The following XKR7 variants were observed in gnomAD, a reference collection of about 807,000 sequenced individuals.
XKR7 encodes the protein XK-related protein 7.
In XKR7, 11 loss-of-function variants were observed where a neutral mutation model predicts 42.2. The observed-to-expected ratio is 0.26, with a 90% CI of 0.16 to 0.43. The LOEUF (loss-of-function observed/expected upper bound fraction) is 0.43. Ranked by LOEUF, XKR7 falls within the 20% of genes least tolerant of loss-of-function variation. The probability of loss-of-function intolerance (pLI) is 1.00; values close to 1 mark genes in which losing one functional copy is unlikely to be tolerated. For synonymous variants in XKR7, 346 were observed against 366.4 expected (o/e 0.94, Z 0.64); for missense variants, 710 against 802.2 (o/e 0.89, Z 1.39).
chr20:32,000,908 CTCCTG>C lies in XKR7; in HGVS notation c.*3454_*3458del, dbSNP rs1445594049. 1 of 152,474 alleles carries C rather than the reference CTCCTG, an allele frequency of 6.6e-6. No individual in the cohort carries two copies. The highest frequency in any genetic ancestry group is 1.5e-5 in the Non-Finnish European group (1 of 68,222). The allele number at this position is 152,474 out of a possible 1,614,324, so 9.4% of individuals were successfully genotyped here. On this transcript the variant is annotated 3_prime_UTR_variant, in exon 3 of 3. Transcript: ENST00000562532. ...CAATGAGGGAGCCTTGCTTGATCCC[CTCCTG>C]TCATCTGCCTCATTCTTGTGTCTCC... is the stretch of plus-strand genomic sequence containing the variant.
Position 31,968,215 on chromosome 20 carries a change from C to G in XKR7, c.40C>G (p.Pro14Ala), listed in dbSNP as rs2064443329. 2.6e-6 allele frequency: 3 copies of G among 1,165,692 alleles called. No individual in the cohort carries two copies. The highest frequency in any genetic ancestry group is 9.3e-5 in the Admixed American group (2 of 21,406). 72.2% of individuals were successfully genotyped at this position (1,165,692 alleles called of 1,614,324 possible). A position where few individuals can be genotyped will look rare whatever the true frequency, so the allele number is the denominator to read the frequency against. ...KSDGAAASAS[P>A]DPEGAAGGAR... Reference sequence around the variant, plus strand: ...GGATGGAGCGGCGGCCTCGGCCAGCCCGGACCCGGAGGGGGCTGCCGGTGG... The same window carrying G: ...GGATGGAGCGGCGGCCTCGGCCAGCGCGGACCCGGAGGGGGCTGCCGGTGG... Residue 14 changes from proline to alanine, a missense_variant, in exon 1 of 3, where the codon CCG becomes GCG. Coordinates refer to ENST00000562532, the MANE Select transcript of XKR7 (RefSeq NM_001011718.2). This position sits in a 1 kb window ranked among gnomAD's most constrained non-coding sequence, Gnocchi z 4.5.
At position 31,996,799 on chromosome 20, in the gene XKR7, A is replaced by G; in HGVS notation, c.1082A>G (p.Asn361Ser). 6.2e-7 allele frequency: 1 copy of G among 1,613,926 alleles called. No individual in the cohort carries two copies. Among genetic ancestry groups the G allele is most frequent in the Non-Finnish European group, 8.5e-7 (1 of 1,179,982 alleles). Residue 361 changes from asparagine (N) to serine (S), a missense_variant, in exon 3 of 3, where the codon AAC (asparagine) becomes AGC (serine). Around this residue, in one of 2 missense-constraint regions of XKR7, gnomAD observed 708 missense variants for 786.2 expected, o/e 0.90. Transcript: ENST00000562532. ...TCCAAGTGGGAGGAGATCATCTACA[A>G]CATGGTCGTGGGCATCATCTACATC... The part of the protein sequence containing the change: ...CMSKWEEIIY[N>S]MVVGIIYIFC...
intron 1 of XKR7, among the ~76,000 whole-genome samples, chr20:31,976,622 C>T (rs1442864858): frequency 1.3e-5 from 2 of 152,014 alleles, no homozygotes; most frequent in Non-Finnish European, 1.5e-5. Flanking sequence ...TGACCTCAGG[C>T]GATCCACCTG....
intron 1 of XKR7, among the ~76,000 whole-genome samples, chr20:31,976,916 G>A (rs1195982683): frequency 2.0e-5 from 3 of 152,192 alleles, no homozygotes; most frequent in African/African-American, 7.2e-5. Context: ...ATGGTGACTA[G>A]CACAGATTAG....
At chr20:31,969,792 G>A (rs943817377) in intron 1 of XKR7, among the ~76,000 whole-genome samples, 10 of 152,288 alleles carry the variant, frequency 6.6e-5, no homozygotes, top group African/African-American at 2.4e-4. Flanking sequence ...CTGCATGAGG[G>A]CCCTGCAGAC....
intron 1 of XKR7, among the ~76,000 whole-genome samples, chr20:31,971,127 TGCA>T (rs1242400599): frequency 5.9e-5 from 9 of 152,200 alleles, no homozygotes; most frequent in Admixed American, 5.2e-4. Context: ...GGGCTTCTGT[TGCA>T]CTGAGATAAG....
At chr20:31,975,272 C>T (rs2064480145) in intron 1 of XKR7, among the ~76,000 whole-genome samples, 1 of 152,026 alleles carries the variant, frequency 6.6e-6, no homozygotes, top group African/African-American at 2.4e-5. Flanking sequence ...AGCGATGGCT[C>T]CCCTATGTCC....
rs1407311084 is a variant in XKR7 at position 31,968,633 on chromosome 20, G to A, written c.458G>A (p.Gly153Asp). ...DSAGAFRTKE[G>D]SPEPGPQPAP... The stretch of plus-strand genomic sequence containing the variant: ...GCCGGCGCCTTCCGGACCAAAGAAG[G>A]CAGCCCCGAGCCGGGTCCCCAGCCT... Residue 153 changes from glycine to aspartate, a missense_variant, in exon 1 of 3, where the codon GGC becomes GAC. This residue lies in a region of XKR7 where 708 missense variants were observed against 786.2 expected (regional missense o/e 0.90). Transcript: ENST00000562532. This position sits in a 1 kb window ranked among gnomAD's most constrained non-coding sequence, Gnocchi z 4.5. 4.1e-5 allele frequency: 65 copies of A among 1,592,078 alleles called. No individual in the cohort carries two copies. Among genetic ancestry groups the A allele is most frequent in the Non-Finnish European group, 5.5e-5 (65 of 1,175,214 alleles).
chr20:31,997,660 G>C lies in XKR7; in HGVS notation c.*203G>C, dbSNP rs926889870. Reference sequence around the variant, plus strand: ...CCTGGGCCCCGTTTTCAGCCTTGTGGCCCATTCCCTAAATTCCCCTGACCC... The same window carrying C: ...CCTGGGCCCCGTTTTCAGCCTTGTGCCCCATTCCCTAAATTCCCCTGACCC... On this transcript the variant is annotated 3_prime_UTR_variant, in exon 3 of 3. Transcript: ENST00000562532. The C allele has an allele frequency of 9.7e-5, 56 of 575,960 alleles. No individual in the cohort carries two copies. The South Asian group carries it at 1.0e-3, about 10-fold the overall frequency. 35.7% of individuals were successfully genotyped at this position (575,960 alleles called of 1,614,324 possible). A position where few individuals can be genotyped will look rare whatever the true frequency, so the allele number is the denominator to read the frequency against.
chr20:31,988,695 T>C (rs1193691734), intron 1 of XKR7, among the ~76,000 whole-genome samples: 3 of 152,180 alleles, frequency 2.0e-5, no homozygotes, highest in African/African-American at 7.2e-5. Flanking sequence ...AGTGTCTGGC[T>C]CACTTCAGGC....
chr20:31,986,645 C>T (rs942683270), intron 1 of XKR7, among the ~76,000 whole-genome samples: 3 of 148,646 alleles, frequency 2.0e-5, no homozygotes, highest in African/African-American at 7.6e-5. Context: ...GACAGACAGA[C>T]CACCAAACAG....
In XKR7 at chr20:31,968,831, C is replaced by A; in HGVS notation, c.584+72C>A. 7.0e-7 allele frequency: 1 copy of A among 1,437,866 alleles called. No homozygotes were observed. The highest frequency in any genetic ancestry group is 9.1e-7 in the Non-Finnish European group (1 of 1,100,924). The allele number at this position is 1,437,866 out of a possible 1,614,324, so 89.1% of individuals were successfully genotyped here. A position where few individuals can be genotyped will look rare whatever the true frequency, so the allele number is the denominator to read the frequency against. The stretch of plus-strand genomic sequence containing the variant: ...GGCGAAGGGCTACCTGACGTCCCAG[C>A]CCTGATCTGACCTTTCCGGGCTACC... On this transcript the variant is annotated intron_variant, in intron 1 of 2. Coordinates refer to ENST00000562532, the MANE Select transcript of XKR7 (RefSeq NM_001011718.2). The surrounding 1 kb of genome is among the most constrained non-coding windows in gnomAD (Gnocchi z 4.5).
chr20:31,997,072 G>C lies in XKR7; in HGVS notation c.1355G>C (p.Gly452Ala), dbSNP rs762010576. The change falls in exon 3 of 3, where the codon GGT (glycine) becomes GCT (alanine). Residue 452 changes from glycine (G) to alanine (A), a missense_variant. This residue lies in a region of XKR7 where 708 missense variants were observed against 786.2 expected (regional missense o/e 0.90). Coordinates refer to ENST00000562532, the MANE Select transcript of XKR7 (RefSeq NM_001011718.2). ...CCCATGCTGGGTCCCCAGGCACCTGGTTGCATCTTCCGTAAGGCCTCAGAG... is the reference window on the plus strand; with the variant it reads ...CCCATGCTGGGTCCCCAGGCACCTGCTTGCATCTTCCGTAAGGCCTCAGAG... ...NGPMLGPQAP[G>A]CIFRKASEPC... 6.2e-7 allele frequency: 1 copy of C among 1,613,744 alleles called. No individual in the cohort carries two copies. Among genetic ancestry groups the C allele is most frequent in the South Asian group, 1.1e-5 (1 of 91,080 alleles).
Position 31,995,865 on chromosome 20 carries a change from C to T in XKR7, c.787+595C>T, listed in dbSNP as rs1184467349. Among the ~76,000 whole-genome samples, 6 of 152,038 alleles carry T rather than the reference C, an allele frequency of 3.9e-5. No individual in the cohort carries two copies. Among genetic ancestry groups the T allele is most frequent in the Admixed American group, 3.9e-4 (6 of 15,274 alleles). On this transcript the variant is annotated intron_variant, in intron 2 of 2. Transcript: ENST00000562532. The surrounding 1 kb of genome is among the most constrained non-coding windows in gnomAD (Gnocchi z 4.1). ...AATATCAGAGAAAAACCGCATCCCC[C>T]TGTCTCCCTGAAGCACTCCGTGCTC...
intron 1 of XKR7, among the ~76,000 whole-genome samples, chr20:31,971,220 C>T (rs1009930180): frequency 5.9e-5 from 9 of 152,032 alleles, no homozygotes; most frequent in Middle Eastern, 3.2e-3. Flanking sequence ...AGGCTGGATT[C>T]GGGGGTGGTC....
Position 31,997,411 on chromosome 20 carries a change from G to A in XKR7, c.1694G>A (p.Ser565Asn). ...GCCACGCCCCGGTTGCAGTACCGGA[G>A]TGTGGGGACTTCCCAGGAGCTGCTG... is the stretch of plus-strand genomic sequence containing the variant. Reference protein sequence around the residue: ...SPATPRLQYRSVGTSQELLEY... With the variant: ...SPATPRLQYRNVGTSQELLEY... Residue 565 changes from serine to asparagine, a missense_variant, in exon 3 of 3, where the codon AGT becomes AAT. By Grantham distance (46) the Ser-to-Asn change is conservative (BLOSUM62 1). Around this residue, in one of 2 missense-constraint regions of XKR7, gnomAD observed 708 missense variants for 786.2 expected, o/e 0.90. Coordinates refer to ENST00000562532, the MANE Select transcript of XKR7 (RefSeq NM_001011718.2). 1 of 1,599,424 alleles carries A rather than the reference G, an allele frequency of 6.3e-7. No individual in the cohort carries two copies. The highest frequency in any genetic ancestry group is 8.5e-7 in the Non-Finnish European group (1 of 1,179,866).
rs774199926 is a variant in XKR7 at position 31,997,316 on chromosome 20, G to A, written c.1599G>A (p.Pro533=). Residue 533 remains proline, a synonymous_variant, in exon 3 of 3, where the codon CCG becomes CCA. Coordinates refer to ENST00000562532, the MANE Select transcript of XKR7 (RefSeq NM_001011718.2). Reference sequence around the variant, plus strand: ...TTGACTTGCCTCGCAAGAAGTACCCGGCCTGGGATGCTCATTTTATTGACC... The same window carrying A: ...TTGACTTGCCTCGCAAGAAGTACCCAGCCTGGGATGCTCATTTTATTGACC... ...IRIDLPRKKY[P]AWDAHFIDRR... The A allele has an allele frequency of 5.0e-6, 8 of 1,610,738 alleles. No homozygotes were observed. In the Admixed American group the frequency reaches 5.0e-5, roughly 10 times the overall value.
Position 31,998,784 on chromosome 20 carries a change from A to T in XKR7, c.*1327A>T, listed in dbSNP as rs1277890438. 1 of 152,070 alleles carries T rather than the reference A, an allele frequency of 6.6e-6. No homozygotes were observed. Among genetic ancestry groups the T allele is most frequent in the Non-Finnish European group, 1.5e-5 (1 of 68,008 alleles). 9.4% of individuals were successfully genotyped at this position (152,070 alleles called of 1,614,324 possible). The stretch of plus-strand genomic sequence containing the variant: ...GAATCCTGGCTCTCAGCCACTCTGC[A>T]AATGGGGCTCCCTGGAGCGGCATCT... On this transcript the variant is annotated 3_prime_UTR_variant, in exon 3 of 3. Transcript: ENST00000562532.
rs1363981147 is a variant in XKR7 at position 31,968,383 on chromosome 20, G to A, written c.208G>A (p.Asp70Asn). Residue 70 changes from aspartate to asparagine, a missense_variant, in exon 1 of 3, where the codon GAC (aspartate) becomes AAC (asparagine). Asp to Asn is a conservative substitution (Grantham distance 23, BLOSUM62 1). Coordinates refer to ENST00000562532, the MANE Select transcript of XKR7 (RefSeq NM_001011718.2). This position sits in a 1 kb window ranked among gnomAD's most constrained non-coding sequence, Gnocchi z 4.5. ...VLCALLVFFS[D>N]GATDLWLAAS... ...GTGCGCGCTGCTCGTGTTCTTCTCC[G>A]ACGGTGCCACGGACCTGTGGCTGGC... The A allele has an allele frequency of 1.9e-6, 3 of 1,613,034 alleles. No individual in the cohort carries two copies. The highest frequency in any genetic ancestry group is 2.5e-6 in the Non-Finnish European group (3 of 1,179,698).
Sources: gnomAD v4.1 joint callset for allele counts (sites outside exome capture counted in the v4.1 genomes callset) on GRCh38, gnomAD v4.1.1 for gene constraint, gnomAD v4.1.1 regional missense constraint, Gnocchi (gnomAD v3.1) non-coding constraint, MANE v1.5 for transcripts, NCBI Gene and HGNC (gene_info 2026-07-23, HGNC 2026-07-21) for gene names.